The following LMO4 variants were observed in gnomAD, a reference collection of about 807,000 sequenced individuals.
The protein encoded by LMO4 is LIM domain transcription factor LMO4.
In LMO4, 3 loss-of-function variants were observed where a neutral mutation model predicts 18.5. The ratio of observed to expected loss-of-function variants is 0.16; its 90% CI spans 0.07 to 0.42. The LOEUF is 0.42. Among genes scored for constraint, LMO4 ranks in the 10% least tolerant of loss-of-function variants. The pLI is 0.99. For missense variants in LMO4, 121 were observed against 219.9 expected (o/e 0.55, Z 2.84); for synonymous variants, 100 against 88.1 (o/e 1.14, Z -0.76).
chr1:87,343,793 T>TGG (rs1376463153), intron 4 of LMO4, among the ~76,000 whole-genome samples: 2 of 152,196 alleles, frequency 1.3e-5, no homozygotes, highest in Non-Finnish European at 2.9e-5. Flanking sequence ...TTCACCACTT[T>TGG]AATTAGCTTG....
chr1:87,336,508 C>T (rs562436982), intron 2 of LMO4, among the ~76,000 whole-genome samples: 3 of 152,320 alleles, frequency 2.0e-5, no homozygotes, highest in Middle Eastern at 3.4e-3. Flanking sequence ...ATTTGCCCTC[C>T]ATCTCTTAAT....
chr1:87,341,536 G>A lies in LMO4; in HGVS notation c.489+1334G>A, dbSNP rs1043275590. 7.2e-5 allele frequency among the ~76,000 whole-genome samples: 11 copies of A among 152,266 alleles called. No individual in the cohort carries two copies. In the East Asian group the frequency reaches 2.1e-3, roughly 29 times the overall value. On this transcript the variant is annotated intron_variant, in intron 4 of 4. Transcript: ENST00000370544. ...AATAGACTTTTTTGTCTTCTGTAAT[G>A]CATTTTCTTAGTGCGGTGGTGGAGG...
chr1:87,340,630 T>G (rs1300556801), intron 4 of LMO4, among the ~76,000 whole-genome samples: 1 of 152,204 alleles, frequency 6.6e-6, no homozygotes, highest in East Asian at 1.9e-4. Flanking sequence ...GCGTTAGGAA[T>G]AGCAATCTGG....
chr1:87,331,847 T>TAATAGG, intron 1 of LMO4, 166 bp from the exon 2 acceptor site: 3 of 593,120 alleles, frequency 5.1e-6, no homozygotes, highest in South Asian at 2.2e-5. Context: ...CGAGCCTCCC[T>TAATAGG]TCTTCCCTCT....
intron 1 of LMO4, among the ~76,000 whole-genome samples, chr1:87,330,819 A>G (rs188630278): frequency 9.3e-4 from 141 of 152,368 alleles, no homozygotes; most frequent in Middle Eastern, 3.4e-3. Flanking sequence ...ATCTTTTTAC[A>G]GAATAAGTGA....
intron 2 of LMO4, among the ~76,000 whole-genome samples, chr1:87,338,810 C>T (rs1285276323): frequency 2.0e-5 from 3 of 152,172 alleles, no homozygotes; most frequent in African/African-American, 7.2e-5. Flanking sequence ...AAATTACTTT[C>T]TGCTCAAATC....
chr1:87,340,302 C>A, intron 4 of LMO4, 100 bp downstream of exon 4: 1 of 1,106,238 alleles, frequency 9.0e-7, no homozygotes, highest in Non-Finnish European at 1.3e-6. Flanking sequence ...TGTATTTTTG[C>A]ATGCCCTTTT....
rs1275530974 is a variant in LMO4 at position 87,348,461 on chromosome 1, A to C, written c.*3665A>C. ...TAGCAATTTGTTTCCATGAAACTGC[A>C]ATTAAAGTATTACTGAGCAGCCATT... On this transcript the variant is annotated 3_prime_UTR_variant, in exon 5 of 5. Transcript: ENST00000370544. The C allele has an allele frequency of 3.5e-6, 1 of 289,514 alleles. No homozygotes were observed. Among genetic ancestry groups the C allele is most frequent in the Non-Finnish European group, 7.0e-6 (1 of 142,240 alleles). 17.9% of individuals were successfully genotyped at this position (289,514 alleles called of 1,614,324 possible). A position where few individuals can be genotyped will look rare whatever the true frequency, so the allele number is the denominator to read the frequency against.
rs1394837911 is a variant in LMO4 at position 87,332,039 on chromosome 1, G to T, written c.24G>T (p.Ser8=). 6.2e-7 allele frequency: 1 copy of T among 1,612,644 alleles called. No homozygotes were observed. The highest frequency in any genetic ancestry group is 2.2e-5 in the East Asian group (1 of 44,870). ...CCATGGTGAATCCGGGCAGCAGCTCGCAGCCGCCCCCGGTGACGGCCGGCT... is the reference window on the plus strand; with the variant it reads ...CCATGGTGAATCCGGGCAGCAGCTCTCAGCCGCCCCCGGTGACGGCCGGCT... MVNPGSS[S]QPPPVTAGSL... Residue 8 remains serine (S), a synonymous_variant, in exon 2 of 5, where the codon TCG becomes TCT. Coordinates refer to ENST00000370544, the MANE Select transcript of LMO4 (RefSeq NM_006769.4).
intron 1 of LMO4, among the ~76,000 whole-genome samples, chr1:87,329,592 G>GT (rs959656822): frequency 8.3e-6 from 1 of 121,044 alleles, no homozygotes; most frequent in African/African-American, 3.2e-5. Flanking sequence ...GAAGTAGTGT[G>GT]TTTGGGGGGG....
chr1:87,333,273 T>C (rs1650204313), intron 2 of LMO4, among the ~76,000 whole-genome samples: 1 of 152,116 alleles, frequency 6.6e-6, no homozygotes, highest in African/African-American at 2.4e-5. Flanking sequence ...TGAATGCTTC[T>C]AGGAGGTGTT....
At chr1:87,341,939 A>T (rs553032474) in intron 4 of LMO4, among the ~76,000 whole-genome samples, 1 of 152,346 alleles carries the variant, frequency 6.6e-6, no homozygotes, top group East Asian at 1.9e-4. Flanking sequence ...AAATATTTGG[A>T]GATACCTATT....
intron 2 of LMO4, among the ~76,000 whole-genome samples, chr1:87,335,871 G>GAAAA (rs781402794): frequency 0.056 from 7,225 of 129,708 alleles, 371 homozygotes; most frequent in African/African-American, 0.13. Context: ...CTATTAGCTA[G>GAAAA]AAAAAAAAAA....
Position 87,341,606 on chromosome 1 carries a change from T to C in LMO4, c.489+1404T>C, listed in dbSNP as rs563363012. Among the ~76,000 whole-genome samples, 4 of 152,334 alleles carry C rather than the reference T, an allele frequency of 2.6e-5. No individual in the cohort carries two copies. In the East Asian group the frequency reaches 5.8e-4, roughly 22 times the overall value. On this transcript the variant is annotated intron_variant, in intron 4 of 4. Coordinates refer to ENST00000370544, the MANE Select transcript of LMO4 (RefSeq NM_006769.4). The stretch of plus-strand genomic sequence containing the variant: ...TGAAAACTTTTAACCATTAAAATTA[T>C]GCTGCCATATTTTGATGCTTATATT...
intron 4 of LMO4, among the ~76,000 whole-genome samples, chr1:87,341,971 T>G (rs187781348): frequency 6.6e-6 from 1 of 152,360 alleles, no homozygotes; most frequent in African/African-American, 2.4e-5. Context: ...TAAAGCTGTT[T>G]GTAGTTACAC....
At chr1:87,339,670 A>AT (rs1398888820) in intron 3 of LMO4, 38 bp downstream of exon 3, 1 of 1,345,204 alleles carries the variant, frequency 7.4e-7, no homozygotes, top group Non-Finnish European at 1.1e-6. Flanking sequence ...TAAAAAAAAA[A>AT]TCATACCTTT....
At chr1:87,337,022 ATTC>A (rs1650336228) in intron 2 of LMO4, among the ~76,000 whole-genome samples, 1 of 152,198 alleles carries the variant, frequency 6.6e-6, no homozygotes, top group Admixed American at 6.5e-5. Flanking sequence ...AAAGGGTGGA[ATTC>A]TAATGGTAGC....
rs1444818592 is a variant in LMO4 at position 87,335,307 on chromosome 1, G to A, written c.236+3056G>A. 2.6e-5 allele frequency among the ~76,000 whole-genome samples: 4 copies of A among 152,170 alleles called. No homozygotes were observed. The East Asian group carries it at 7.7e-4, about 29-fold the overall frequency. On this transcript the variant is annotated intron_variant, in intron 2 of 4. Transcript: ENST00000370544. ...GAGGAAGTTCGGAGACCGGCGGGTG[G>A]GGCTCCAGGTCCGGGGAGGGCGAGG...
Position 87,339,633 on chromosome 1 carries a change from G to A in LMO4, c.333+1G>A. ...GCAAGGCAATGTGTATCATCTTAAG[G>A]TAGTATTTGCATCTCTCTTTTTTTT... On this transcript the variant is annotated splice_donor_variant, in intron 3 of 4. Transcript: ENST00000370544. LOFTEE classifies it high-confidence loss of function. The A allele has an allele frequency of 1.3e-6, 2 of 1,594,908 alleles. No individual in the cohort carries two copies. The highest frequency in any genetic ancestry group is 2.7e-5 in the African/African-American group (2 of 74,434).
Sources: allele counts gnomAD v4.1 joint callset (sites outside exome capture counted in the v4.1 genomes callset), GRCh38; gene constraint gnomAD v4.1.1; transcripts MANE v1.5; gene names NCBI Gene and HGNC (gene_info 2026-07-23, HGNC 2026-07-21).